TMEM131: variants seen among roughly 807,000 people sequenced by gnomAD.
TMEM131 encodes the protein 2610524E03Rik.
Under a neutral mutation model 211.6 loss-of-function variants are expected in TMEM131, and 66 were observed. The observed-to-expected ratio is 0.31, with a 90% CI of 0.26 to 0.38. The LOEUF is 0.38. TMEM131 is among the 10% of genes least tolerant of loss of function. The probability of loss-of-function intolerance (pLI) is 1.00; values close to 1 mark genes in which losing one functional copy is unlikely to be tolerated. For missense variants in TMEM131, 2,036 were observed against 2,299.3 expected, an observed-to-expected ratio of 0.89 and a Z score of 2.34; for synonymous variants, 844 against 841.3, an observed-to-expected ratio of 1.00 and a Z score of -0.06.
intron 4 of TMEM131, among the ~76,000 whole-genome samples, chr2:97,879,638 T>C (rs1200310398): frequency 6.6e-6 from 1 of 152,208 alleles, no homozygotes; most frequent in Non-Finnish European, 1.5e-5. Flanking sequence ...AGCAAGACTA[T>C]CACTTCCTCC....
rs147378484 is a variant in TMEM131 at position 97,982,862 on chromosome 2, T to C, written c.187+12614A>G. On this transcript the variant is annotated intron_variant, in intron 1 of 40. Coordinates refer to ENST00000186436, the MANE Select transcript of TMEM131 (RefSeq NM_015348.2). ...TGAACCAAGGAATTCAGGAAGCCTC[T>C]AGAAGCTAAAAAAGACAGAAAAAGA... Among the ~76,000 whole-genome samples the C allele has an allele frequency of 5.3e-3, 808 of 152,318 alleles. 4 individuals are homozygous for C. The highest frequency in any genetic ancestry group is 9.0e-3 in the Admixed American group (138 of 15,302).
chr2:97,808,303 A>G (rs1681402786), intron 19 of TMEM131, among the ~76,000 whole-genome samples: 1 of 152,202 alleles, frequency 6.6e-6, no homozygotes, highest in African/African-American at 2.4e-5. Context: ...CAACTTGCAT[A>G]CAGCATTAAG....
At chr2:97,796,433 T>G in intron 27 of TMEM131, 29 bp from the exon 28 acceptor site, 1 of 1,378,916 alleles carries the variant, frequency 7.3e-7, no homozygotes, top group South Asian at 1.4e-5. Context: ...GGAATAAGAC[T>G]AAATCTTGCC....
At chr2:97,919,048 A>G (rs1307944229) in intron 2 of TMEM131, among the ~76,000 whole-genome samples, 1 of 152,186 alleles carries the variant, frequency 6.6e-6, no homozygotes, top group Non-Finnish European at 1.5e-5. Context: ...ATGTGGCTTA[A>G]GTTTCTCACA....
intron 1 of TMEM131, among the ~76,000 whole-genome samples, chr2:97,943,966 C>T (rs1677917241): frequency 6.6e-6 from 1 of 152,098 alleles, no homozygotes; most frequent in Admixed American, 6.6e-5. Flanking sequence ...CCTGTAGTCG[C>T]AGCTACCTGG....
chr2:97,842,490 G>T (rs1291749411), intron 6 of TMEM131, among the ~76,000 whole-genome samples: 1 of 149,002 alleles, frequency 6.7e-6, no homozygotes, highest in Admixed American at 6.7e-5. Flanking sequence ...TAGTATTGGA[G>T]ACAGACTGGA....
At chr2:97,827,595 G>C (rs1229302571) in intron 11 of TMEM131, 4 of 920,214 alleles carry the variant, frequency 4.3e-6, no homozygotes, top group Non-Finnish European at 7.3e-6. Context: ...CTCCCTTCTT[G>C]TACAATCCAG....
At chr2:97,922,721 A>C (rs1380730390) in intron 2 of TMEM131, among the ~76,000 whole-genome samples, 1 of 152,194 alleles carries the variant, frequency 6.6e-6, no homozygotes, top group Non-Finnish European at 1.5e-5. Flanking sequence ...AATTATTATA[A>C]AATTCTGGAA....
At chr2:97,781,428 G>A (rs1476437895) in intron 31 of TMEM131, among the ~76,000 whole-genome samples, 1 of 152,170 alleles carries the variant, frequency 6.6e-6, no homozygotes, top group Non-Finnish European at 1.5e-5. Context: ...GCTCTTCTAG[G>A]ATTAGTGGTT....
chr2:97,767,187 GCA>G (rs1679211125), intron 33 of TMEM131, among the ~76,000 whole-genome samples: 1 of 152,088 alleles, frequency 6.6e-6, no homozygotes, highest in African/African-American at 2.4e-5. Context: ...TTAATCTTAA[GCA>G]AAAAAATTAA....
chr2:97,923,592 A>G lies in TMEM131; in HGVS notation c.249+3834T>C, dbSNP rs1229675355. On this transcript the variant is annotated intron_variant, in intron 2 of 40. Coordinates refer to ENST00000186436, the MANE Select transcript of TMEM131 (RefSeq NM_015348.2). The stretch of plus-strand genomic sequence containing the variant: ...AGCCATGATTGTGCCACTGGCCTCC[A>G]GCATGGGTAACAGAGCAAGACACTG... 2.1e-5 allele frequency among the ~76,000 whole-genome samples: 3 copies of G among 144,736 alleles called. No individual in the cohort carries two copies. The East Asian group carries it at 6.4e-4, about 31-fold the overall frequency. 95.0% of individuals were successfully genotyped at this position (144,736 alleles called of 152,430 possible).
intron 3 of TMEM131, among the ~76,000 whole-genome samples, chr2:97,898,457 G>T (rs1247036474): frequency 6.6e-6 from 1 of 152,092 alleles, no homozygotes; most frequent in Non-Finnish European, 1.5e-5. Context: ...GGTTAAATGA[G>T]GTTATAATGG....
intron 12 of TMEM131, among the ~76,000 whole-genome samples, chr2:97,816,496 T>C (rs1421616506): frequency 6.6e-6 from 1 of 152,214 alleles, no homozygotes; most frequent in Non-Finnish European, 1.5e-5. Context: ...AACACTTCCA[T>C]TTATGTGAAG....
intron 1 of TMEM131, among the ~76,000 whole-genome samples, chr2:97,949,280 T>C (rs35589428): frequency 0.22 from 33,708 of 152,102 alleles, 4,187 homozygotes; most frequent in Middle Eastern, 0.28. Context: ...ACTGTATGAT[T>C]CTGCTTATAC....
At chr2:97,984,186 T>A (rs1270047990) in intron 1 of TMEM131, among the ~76,000 whole-genome samples, 2 of 152,224 alleles carry the variant, frequency 1.3e-5, no homozygotes, top group African/African-American at 4.8e-5. Flanking sequence ...TTATTCTAAT[T>A]ATACCAATTA....
intron 2 of TMEM131, among the ~76,000 whole-genome samples, chr2:97,925,833 G>A (rs911736033): frequency 7.9e-5 from 12 of 152,046 alleles, no homozygotes; most frequent in South Asian, 2.1e-4. Flanking sequence ...TGAGTTGGCC[G>A]GGCGCGGTGG....
chr2:97,840,673 C>A (rs552121210), intron 7 of TMEM131, among the ~76,000 whole-genome samples: 1 of 152,214 alleles, frequency 6.6e-6, no homozygotes, highest in African/African-American at 2.4e-5. Flanking sequence ...GGAAACTACA[C>A]CATTACCTAA....
intron 31 of TMEM131, among the ~76,000 whole-genome samples, chr2:97,779,073 C>T (rs1679865393): frequency 6.6e-6 from 1 of 152,206 alleles, no homozygotes; most frequent in Non-Finnish European, 1.5e-5. Flanking sequence ...CCCGACCCCT[C>T]AGGGTCTAGG....
chr2:97,826,301 G>A (rs187940030), intron 11 of TMEM131, among the ~76,000 whole-genome samples: 8 of 152,322 alleles, frequency 5.3e-5, no homozygotes, highest in African/African-American at 1.9e-4. Flanking sequence ...AAGAATAAAT[G>A]TGTGTATACA....
Sources: gnomAD v4.1 joint callset for allele counts (sites outside exome capture counted in the v4.1 genomes callset) on GRCh38, gnomAD v4.1.1 for gene constraint, MANE v1.5 for transcripts, NCBI Gene and HGNC (gene_info 2026-07-23, HGNC 2026-07-21) for gene names.